Variants in CWC22 observed in about 807,000 individuals in gnomAD.
The protein encoded by CWC22 is CWC22 spliceosome associated protein.
A neutral mutation model predicts 117.2 loss-of-function variants in CWC22; 53 were observed. The observed-to-expected ratio is 0.45, with a 90% CI of 0.36 to 0.57. CWC22 has a LOEUF of 0.57. CWC22 is among the 20% of genes least tolerant of loss of function. The probability of loss-of-function intolerance (pLI) is 0.00; values close to 1 mark genes in which losing one functional copy is unlikely to be tolerated. For synonymous variants in CWC22, 360 were observed against 355.6 expected (o/e 1.01, Z -0.14); for missense variants, 980 against 1,068.8 (o/e 0.92, Z 1.16).
intron 4 of CWC22, among the ~76,000 whole-genome samples, chr2:179,985,590 T>C (rs767450191): frequency 1.3e-5 from 2 of 152,052 alleles, no homozygotes; most frequent in Admixed American, 6.5e-5. Flanking sequence ...CCCTTATCTG[T>C]GGTTTCACTT....
intron 4 of CWC22, among the ~76,000 whole-genome samples, chr2:179,984,382 A>C (rs1687361502): frequency 6.6e-6 from 1 of 152,106 alleles, no homozygotes; most frequent in Non-Finnish European, 1.5e-5. Flanking sequence ...CATTCTCATT[A>C]AGGTGACAGC....
In CWC22 at chr2:179,988,595, T is replaced by C. The variant is rs1351397693; in HGVS notation, c.77A>G (p.Asn26Ser). Residue 26 changes from asparagine (N) to serine (S), a missense_variant, in exon 3 of 20, where the codon AAC (asparagine) becomes AGC (serine). Coordinates refer to ENST00000410053, the MANE Select transcript of CWC22 (RefSeq NM_020943.3). ...RRENLNSYQR[N>S]SSPEDRYEEQ... ...TATTTACCTGTCTTCTGGAGAGGAGTTCCTCTGATATGAATTAAGGTTTTC... is the reference window on the plus strand; with the variant it reads ...TATTTACCTGTCTTCTGGAGAGGAGCTCCTCTGATATGAATTAAGGTTTTC... 15 of 1,523,862 alleles carry C rather than the reference T, an allele frequency of 9.8e-6. No individual in the cohort carries two copies. Among genetic ancestry groups the C allele is most frequent in the Non-Finnish European group, 1.2e-5 (14 of 1,124,592 alleles). The allele number at this position is 1,523,862 out of a possible 1,614,324, so 94.4% of individuals were successfully genotyped here.
intron 2 of CWC22, among the ~76,000 whole-genome samples, chr2:179,990,546 CAGAGAGAGAGAGAGAGAG>C (rs3082436): frequency 6.9e-6 from 1 of 144,850 alleles, no homozygotes; most frequent in Non-Finnish European, 1.5e-5. Flanking sequence ...GTGAGACAGA[CAGAGAGAGAGAGAGAGAG>C]AGAGAGAGAG....
At chr2:179,960,507 T>C (rs1380380184) in intron 13 of CWC22, among the ~76,000 whole-genome samples, 1 of 151,994 alleles carries the variant, frequency 6.6e-6, no homozygotes, top group Non-Finnish European at 1.5e-5. Flanking sequence ...AAGAAATACA[T>C]TCTTATTCAC....
chr2:179,951,374 A>G (rs1575637433), intron 17 of CWC22, among the ~76,000 whole-genome samples: 1 of 152,194 alleles, frequency 6.6e-6, no homozygotes, highest in East Asian at 1.9e-4. Flanking sequence ...CATCAACAAA[A>G]GGGAGAAATC....
chr2:179,978,271 T>C lies in CWC22; in HGVS notation c.500A>G (p.Asn167Ser). 1 of 1,562,406 alleles carries C rather than the reference T, an allele frequency of 6.4e-7. No individual in the cohort carries two copies. Among genetic ancestry groups the C allele is most frequent in the Non-Finnish European group, 8.7e-7 (1 of 1,155,460 alleles). Residue 167 changes from asparagine (N) to serine (S), a missense_variant, in exon 6 of 20, where the codon AAT (asparagine) becomes AGT (serine). Coordinates refer to ENST00000410053, the MANE Select transcript of CWC22 (RefSeq NM_020943.3). ...MSWEALKKSI[N>S]GLINKVNISN... ...AATGTTGACTTTGTTGATAAGGCCATTAATTGACTTCTTCAGGGCCTCCCA... is the reference window on the plus strand; with the variant it reads ...AATGTTGACTTTGTTGATAAGGCCACTAATTGACTTCTTCAGGGCCTCCCA...
At chr2:179,980,188 T>C (rs1000984283) in intron 5 of CWC22, among the ~76,000 whole-genome samples, 1 of 152,110 alleles carries the variant, frequency 6.6e-6, no homozygotes, top group Non-Finnish European at 1.5e-5. Context: ...GCCTTGTGCA[T>C]GAGCAAAACG....
Position 179,945,196 on chromosome 2 carries a change from T to C in CWC22, c.2660A>G (p.Glu887Gly). ...ATTTTTCTTTGATTCTCTGGATTGT[T>C]CAGAGTATCTGCTAGATTTTTCCCA... ...RRWEKSSRYS[E>G]QSRESKKNQD... The change falls in exon 20 of 20, where the codon GAA becomes GGA. Residue 887 changes from glutamate to glycine, a missense_variant. By Grantham distance (98) the Glu-to-Gly change is moderately conservative (BLOSUM62 -2). Coordinates refer to ENST00000410053, the MANE Select transcript of CWC22 (RefSeq NM_020943.3). 1 of 1,613,716 alleles carries C rather than the reference T, an allele frequency of 6.2e-7. No homozygotes were observed. The highest frequency in any genetic ancestry group is 8.5e-7 in the Non-Finnish European group (1 of 1,179,812).
rs1156941697 is a variant in CWC22 at position 179,952,612 on chromosome 2, T to C, written c.1690-14A>G. On this transcript the variant is annotated splice_polypyrimidine_tract_variant and intron_variant, in intron 16 of 19. Transcript: ENST00000410053. The stretch of plus-strand genomic sequence containing the variant: ...ACATTCAAGAACCTGAAAATTAAAA[T>C]AAAAAAAGACAAGTATATTTTAATT... The C allele has an allele frequency of 1.5e-6, 2 of 1,342,626 alleles. No homozygotes were observed. Among genetic ancestry groups the C allele is most frequent in the African/African-American group, 3.0e-5 (2 of 66,498 alleles). The allele number at this position is 1,342,626 out of a possible 1,614,324, so 83.2% of individuals were successfully genotyped here. A position where few individuals can be genotyped will look rare whatever the true frequency, so the allele number is the denominator to read the frequency against.
At chr2:180,004,488 T>G (rs547383301) in intron 1 of CWC22, among the ~76,000 whole-genome samples, 17 of 152,074 alleles carry the variant, frequency 1.1e-4, no homozygotes, top group African/African-American at 4.1e-4. Context: ...GCCTCCCAGG[T>G]TTAAGTGATT....
Position 179,954,366 on chromosome 2 carries a change from T to A in CWC22, c.1537-9A>T. ...TTTAGCATGCAAAATCGCTAATAAA[T>A]AAAAAATCAGTACCATTAAAAATTG... On this transcript the variant is annotated splice_polypyrimidine_tract_variant and intron_variant, in intron 15 of 19. Transcript: ENST00000410053. 6.5e-7 allele frequency: 1 copy of A among 1,534,156 alleles called. No individual in the cohort carries two copies. The highest frequency in any genetic ancestry group is 8.9e-7 in the Non-Finnish European group (1 of 1,121,806).
chr2:179,947,465 T>C (rs777066323), intron 19 of CWC22, among the ~76,000 whole-genome samples: 1 of 152,232 alleles, frequency 6.6e-6, no homozygotes. Flanking sequence ...TTTGGGGCAG[T>C]TCATGCTGCT....
chr2:179,950,943 T>A lies in CWC22; in HGVS notation c.1818-17A>T, dbSNP rs754446058. On this transcript the variant is annotated splice_polypyrimidine_tract_variant and intron_variant, in intron 17 of 19. Transcript: ENST00000410053. ...TGCAGAGTTCTAAAAAGGAAAAAAA[T>A]AAACAAAAGAGAACACATTGCTTAA... is the stretch of plus-strand genomic sequence containing the variant. The A allele has an allele frequency of 4.1e-6, 6 of 1,447,554 alleles. No individual in the cohort carries two copies. The South Asian group carries it at 7.5e-5, about 18-fold the overall frequency. 89.7% of individuals were successfully genotyped at this position (1,447,554 alleles called of 1,614,324 possible).
intron 7 of CWC22, among the ~76,000 whole-genome samples, 161 bp downstream of exon 7, chr2:179,973,473 C>T (rs1479378258): frequency 2.0e-5 from 3 of 152,006 alleles, no homozygotes; most frequent in African/African-American, 7.2e-5. Context: ...TCAATAGTGG[C>T]CAGGGATATT....
intron 1 of CWC22, among the ~76,000 whole-genome samples, chr2:180,000,770 T>G (rs186838456): frequency 6.6e-6 from 1 of 151,146 alleles, no homozygotes; most frequent in Non-Finnish European, 1.5e-5. Context: ...GTGTGGAGAG[T>G]AGACAGCCCA....
intron 13 of CWC22, among the ~76,000 whole-genome samples, chr2:179,961,724 G>A (rs16867120): frequency 0.073 from 11,035 of 151,796 alleles, 594 homozygotes; most frequent in East Asian, 0.25. Flanking sequence ...CTATATGACA[G>A]TCTGTTTTTC....
intron 13 of CWC22, among the ~76,000 whole-genome samples, chr2:179,960,472 A>G (rs1686723450): frequency 6.6e-6 from 1 of 152,080 alleles, no homozygotes; most frequent in Non-Finnish European, 1.5e-5. Flanking sequence ...CTTTAAAAAA[A>G]TAATTACAAC....
At chr2:179,999,444 T>C (rs1687791652) in intron 1 of CWC22, among the ~76,000 whole-genome samples, 2 of 152,140 alleles carry the variant, frequency 1.3e-5, no homozygotes, top group Admixed American at 1.3e-4. Context: ...AAAAAAAAGA[T>C]AGTTTTTCTC....
chr2:179,949,994 G>C (rs564959787), intron 19 of CWC22, among the ~76,000 whole-genome samples: 105 of 152,240 alleles, frequency 6.9e-4, no homozygotes, highest in African/African-American at 2.0e-3. Flanking sequence ...GCTGCCATGA[G>C]GATGGAAGGA....
Sources: gnomAD v4.1 joint callset for allele counts (sites outside exome capture counted in the v4.1 genomes callset) on GRCh38, gnomAD v4.1.1 for gene constraint, MANE v1.5 for transcripts, NCBI Gene and HGNC (gene_info 2026-07-23, HGNC 2026-07-21) for gene names.